The following TFDP2 variants were observed in gnomAD, a reference collection of about 807,000 sequenced individuals.
The protein encoded by TFDP2 is transcription factor Dp-2.
TFDP2 carries 17 observed loss-of-function variants against 59.3 expected under a neutral mutation model. The ratio of observed to expected loss-of-function variants is 0.29; its 90% CI spans 0.20 to 0.43. TFDP2 has a LOEUF of 0.43. Among genes scored for constraint, TFDP2 ranks in the 20% least tolerant of loss-of-function variants. The pLI is 1.00. For synonymous variants in TFDP2, 180 were observed against 194.7 expected, an observed-to-expected ratio of 0.92 and a Z score of 0.63; for missense variants, 391 against 528.8, an observed-to-expected ratio of 0.74 and a Z score of 2.56.
At position 142,043,752 on chromosome 3, in the gene TFDP2, G is replaced by C. The variant is rs1171686357; in HGVS notation, c.83-38208C>G. On this transcript the variant is annotated intron_variant, in intron 3 of 12. Coordinates refer to ENST00000489671, the MANE Select transcript of TFDP2 (RefSeq NM_001178139.2). The stretch of plus-strand genomic sequence containing the variant: ...TGGGGGCCTCAGCCTGGTCAGCCAG[G>C]AGCTTCTTGCGGGCCTTGTCTGCCT... The C allele has an allele frequency of 3.2e-6, 5 of 1,554,174 alleles. No homozygotes were observed. The Admixed American group carries it at 8.3e-5, about 26-fold the overall frequency.
intron 11 of TFDP2, among the ~76,000 whole-genome samples, chr3:141,957,745 T>G (rs1429519926): frequency 6.6e-6 from 1 of 152,200 alleles, no homozygotes; most frequent in Non-Finnish European, 1.5e-5. Flanking sequence ...TCCATTCACA[T>G]AAAGCGTCTT....
chr3:142,072,828 C>A (rs2060292704), intron 3 of TFDP2, among the ~76,000 whole-genome samples: 1 of 152,122 alleles, frequency 6.6e-6, no homozygotes, highest in East Asian at 1.9e-4. Flanking sequence ...GGAGAAGGGA[C>A]AAATCTAGAG....
intron 1 of TFDP2, among the ~76,000 whole-genome samples, chr3:142,103,341 CT>C (rs1258087020): frequency 2.0e-5 from 3 of 151,568 alleles, no homozygotes; most frequent in Admixed American, 6.6e-5. Flanking sequence ...AAAAAAAAAA[CT>C]GCTGTGAAGA....
intron 3 of TFDP2, among the ~76,000 whole-genome samples, chr3:142,061,999 T>C (rs1218776782): frequency 6.6e-6 from 1 of 150,716 alleles, no homozygotes; most frequent in East Asian, 2.0e-4. Flanking sequence ...ATACACAGAT[T>C]TTCTTCTGCC....
chr3:142,137,897 T>C (rs2062794896), intron 1 of TFDP2, among the ~76,000 whole-genome samples: 1 of 152,122 alleles, frequency 6.6e-6, no homozygotes, highest in Non-Finnish European at 1.5e-5. Flanking sequence ...ATAAAATGAG[T>C]TAGGGAGGAT....
chr3:141,988,501 G>A (rs1052309196), intron 6 of TFDP2, among the ~76,000 whole-genome samples: 13 of 151,800 alleles, frequency 8.6e-5, no homozygotes, highest in Non-Finnish European at 1.6e-4. Flanking sequence ...TCTAGTTTTA[G>A]CCCCTCTAGT....
intron 12 of TFDP2, 37 bp downstream of exon 12, chr3:141,952,874 T>C (rs759099341): frequency 6.3e-7 from 1 of 1,588,092 alleles, no homozygotes. Flanking sequence ...GTCAGGGCTC[T>C]GGGGTTTGCC....
chr3:141,970,007 C>T, intron 9 of TFDP2, 66 bp downstream of exon 9: 3 of 1,492,672 alleles, frequency 2.0e-6, no homozygotes, highest in South Asian at 1.1e-5. Flanking sequence ...TTAGAAAACA[C>T]ACTGACTCCA....
At chr3:142,098,283 C>T (rs2061227268) in intron 2 of TFDP2, among the ~76,000 whole-genome samples, 1 of 149,422 alleles carries the variant, frequency 6.7e-6, no homozygotes, top group African/African-American at 2.5e-5. Flanking sequence ...AAAAAAAAAC[C>T]CTCAAAAATT....
Position 141,974,196 on chromosome 3 carries a change from T to TA in TFDP2, c.520-6dup, listed in dbSNP as rs397876158. The TA allele has an allele frequency of 6.3e-7, 1 of 1,589,144 alleles. No homozygotes were observed. ...AATGTTCTTCTGATCATAAGCCTGC[T>TA]AAAAAATATTTTCACTGAGTGATAA... On this transcript the variant is annotated splice_polypyrimidine_tract_variant and splice_region_variant and intron_variant, in intron 7 of 12. Coordinates refer to ENST00000489671, the MANE Select transcript of TFDP2 (RefSeq NM_001178139.2).
intron 3 of TFDP2, among the ~76,000 whole-genome samples, chr3:142,044,393 G>A (rs536102197): frequency 9.2e-5 from 14 of 151,992 alleles, no homozygotes; most frequent in African/African-American, 3.1e-4. Flanking sequence ...GCACCACCAC[G>A]CCCAGATAAT....
At chr3:142,001,066 G>A (rs1045646015) in intron 4 of TFDP2, among the ~76,000 whole-genome samples, 25 of 152,190 alleles carry the variant, frequency 1.6e-4, no homozygotes, top group African/African-American at 5.8e-4. Flanking sequence ...GAGCAACCCC[G>A]CGCACCTCAG....
At chr3:141,958,283 T>C (rs775278352) in intron 11 of TFDP2, among the ~76,000 whole-genome samples, 1 of 152,164 alleles carries the variant, frequency 6.6e-6, no homozygotes, top group Non-Finnish European at 1.5e-5. Context: ...GATGTATTCA[T>C]ATAATGGAAT....
chr3:142,010,706 T>C (rs1944603354), intron 3 of TFDP2, among the ~76,000 whole-genome samples: 1 of 146,364 alleles, frequency 6.8e-6, no homozygotes, highest in Non-Finnish European at 1.5e-5. Flanking sequence ...AAAGGGCTAA[T>C]ATCCAGAATC....
intron 3 of TFDP2, among the ~76,000 whole-genome samples, chr3:142,076,637 T>C (rs1314262099): frequency 6.6e-6 from 1 of 152,232 alleles, no homozygotes; most frequent in African/African-American, 2.4e-5. Flanking sequence ...ACAAATTAAT[T>C]TTTAAGTGTT....
chr3:141,959,979 G>GAGTC (rs1937161403), intron 10 of TFDP2, 139 bp from the exon 11 acceptor site: 1 of 709,398 alleles, frequency 1.4e-6, no homozygotes, highest in East Asian at 2.7e-5. Flanking sequence ...AGAGAGCCAT[G>GAGTC]AGTCATTCTG....
intron 1 of TFDP2, among the ~76,000 whole-genome samples, chr3:142,105,160 C>T (rs2108655696): frequency 6.6e-6 from 1 of 152,288 alleles, no homozygotes; most frequent in South Asian, 2.1e-4. Context: ...ATCTCATGAC[C>T]TGCTGAAATA....
At chr3:142,077,982 A>G (rs1261955167) in intron 3 of TFDP2, among the ~76,000 whole-genome samples, 4 of 152,120 alleles carry the variant, frequency 2.6e-5, no homozygotes, top group Non-Finnish European at 5.9e-5. Flanking sequence ...GCCTGGCAGC[A>G]TTCACCACAA....
At chr3:142,056,820 T>A (rs1469623456) in intron 3 of TFDP2, among the ~76,000 whole-genome samples, 1 of 152,140 alleles carries the variant, frequency 6.6e-6, no homozygotes, top group Non-Finnish European at 1.5e-5. Context: ...TGGAAGGACA[T>A]CTTCCAGCCC....
Sources: gnomAD v4.1 joint callset for allele counts (sites outside exome capture counted in the v4.1 genomes callset) on GRCh38, gnomAD v4.1.1 for gene constraint, MANE v1.5 for transcripts, NCBI Gene and HGNC (gene_info 2026-07-23, HGNC 2026-07-21) for gene names.